Variants in DDB2 observed in about 807,000 individuals in gnomAD.
DDB2 encodes damage specific DNA binding protein 2.
Under a neutral mutation model 50.5 loss-of-function variants are expected in DDB2, and 27 were observed. That is an observed-to-expected ratio of 0.53 (90% CI 0.39 to 0.74). The LOEUF is 0.74. Among genes scored for constraint, DDB2 ranks in the 30% least tolerant of loss-of-function variants. The pLI, the probability that DDB2 is intolerant of heterozygous loss-of-function variation, is 0.00. For missense variants in DDB2, 424 were observed against 545.6 expected, an observed-to-expected ratio of 0.78 and a Z score of 2.22; for synonymous variants, 176 against 205.5, an observed-to-expected ratio of 0.86 and a Z score of 1.23.
chr11:47,215,728 G>T, intron 1 of DDB2: 1 of 265,478 alleles, frequency 3.8e-6, no homozygotes, highest in Non-Finnish European at 7.4e-6. Flanking sequence ...AAAACGAGCT[G>T]GGGCTTGTTA....
chr11:47,238,927 G>A lies in DDB2; in HGVS notation c.*78G>A, dbSNP rs909638206. 5.2e-6 allele frequency: 8 copies of A among 1,524,340 alleles called. No individual in the cohort carries two copies. In the South Asian group the frequency reaches 5.7e-5, roughly 11 times the overall value. 94.4% of individuals were successfully genotyped at this position (1,524,340 alleles called of 1,614,324 possible). On this transcript the variant is annotated 3_prime_UTR_variant, in exon 10 of 10. Coordinates refer to ENST00000256996, the MANE Select transcript of DDB2 (RefSeq NM_000107.3). Reference sequence around the variant, plus strand: ...ATCAAGTCCTGCAAGCAGAGGTGGCGATTTGTTAAAGGGCCAAAAGTATCC... The same window carrying A: ...ATCAAGTCCTGCAAGCAGAGGTGGCAATTTGTTAAAGGGCCAAAAGTATCC...
At chr11:47,234,180 T>G (rs950926529) in intron 4 of DDB2, among the ~76,000 whole-genome samples, 2 of 152,144 alleles carry the variant, frequency 1.3e-5, no homozygotes, top group African/African-American at 4.8e-5. Context: ...GCAATCCCTC[T>G]TTGGCTTGTG....
At chr11:47,233,568 C>T (rs112403617) in intron 4 of DDB2, 2,087 of 160,840 alleles carry the variant, frequency 0.013, 56 homozygotes, top group African/African-American at 0.047. Context: ...ATTAGCTGGG[C>T]GTGGTGGTAG....
chr11:47,235,477 C>T, intron 7 of DDB2, 65 bp downstream of exon 7: 1 of 1,554,102 alleles, frequency 6.4e-7, no homozygotes, highest in Non-Finnish European at 8.7e-7. Flanking sequence ...GCAGGTCTGC[C>T]CACAGTGGGG....
intron 6 of DDB2, 129 bp downstream of exon 6, chr11:47,235,063 G>A (rs528628601): frequency 9.8e-6 from 13 of 1,327,332 alleles, no homozygotes; most frequent in African/African-American, 2.9e-5. Context: ...CTGATGTCTG[G>A]GAACCTTTGT....
chr11:47,233,140 G>T, intron 4 of DDB2, 181 bp downstream of exon 4: 1 of 726,408 alleles, frequency 1.4e-6, no homozygotes, highest in Non-Finnish European at 2.4e-6. Flanking sequence ...TTTGGTCCAG[G>T]TGGGTTACTG....
At chr11:47,235,057 T>C in intron 6 of DDB2, 123 bp downstream of exon 6, 5 of 1,337,446 alleles carry the variant, frequency 3.7e-6, no homozygotes, top group Non-Finnish European at 5.3e-6. Context: ...GCCAAGCTGA[T>C]GTCTGGGAAC....
At chr11:47,230,964 A>G (rs1953638806) in intron 3 of DDB2, among the ~76,000 whole-genome samples, 1 of 152,004 alleles carries the variant, frequency 6.6e-6, no homozygotes. Context: ...TACTAAAAAT[A>G]CAAAAATTAG....
chr11:47,226,282 T>TC (rs1211676572), intron 3 of DDB2, among the ~76,000 whole-genome samples: 1 of 151,326 alleles, frequency 6.6e-6, no homozygotes, highest in African/African-American at 2.4e-5. Flanking sequence ...TATTTTCTTT[T>TC]TTTTTTTTTT....
Position 47,215,125 on chromosome 11 carries a change from A to G in DDB2, c.-12A>G, listed in dbSNP as rs1565149682. On this transcript the variant is annotated 5_prime_UTR_variant, in exon 1 of 10. Coordinates refer to ENST00000256996, the MANE Select transcript of DDB2 (RefSeq NM_000107.3). ...CGCATAGAGCACAGTACCCCTTCAC[A>G]CGGAGGACGCGATGGCTCCCAAGAA... 1.2e-6 allele frequency: 2 copies of G among 1,613,612 alleles called. No homozygotes were observed. The highest frequency in any genetic ancestry group is 2.2e-5 in the East Asian group (1 of 44,834).
intron 3 of DDB2, among the ~76,000 whole-genome samples, chr11:47,222,094 C>T (rs2135492358): frequency 6.6e-6 from 1 of 152,280 alleles, no homozygotes; most frequent in South Asian, 2.1e-4. Context: ...TTTCCCCACC[C>T]TTTGTTGAAT....
At chr11:47,225,359 G>A (rs994175010) in intron 3 of DDB2, among the ~76,000 whole-genome samples, 1 of 151,816 alleles carries the variant, frequency 6.6e-6, no homozygotes, top group Non-Finnish European at 1.5e-5. Context: ...TTGGGAAGCT[G>A]AGGTGGACGG....
At chr11:47,228,138 CAAA>C (rs35908583) in intron 3 of DDB2, among the ~76,000 whole-genome samples, 10 of 57,468 alleles carry the variant, frequency 1.7e-4, no homozygotes, top group Non-Finnish European at 1.0e-4. Flanking sequence ...GGCTCTGTCT[CAAA>C]AAAAAAAAAA....
chr11:47,232,623 A>T (rs1270580835), intron 3 of DDB2, among the ~76,000 whole-genome samples, 191 bp from the exon 4 acceptor site: 1 of 152,226 alleles, frequency 6.6e-6, no homozygotes, highest in African/African-American at 2.4e-5. Flanking sequence ...TAAGTGACAG[A>T]GAAAGACCCT....
chr11:47,216,367 C>T lies in DDB2; in HGVS notation c.159C>T (p.Leu53=). ...GPSRRCDSDC[L]WVGLAGPQIL... ...GCAGAAGATGTGACTCAGACTGCCT[C>T]TGGGTGGGGCTGGCTGGCCCACAGA... The change falls in exon 2 of 10, where the codon CTC becomes CTT. Residue 53 remains leucine (L), a synonymous_variant. Transcript: ENST00000256996. 1 of 1,614,150 alleles carries T rather than the reference C, an allele frequency of 6.2e-7. No homozygotes were observed. The highest frequency in any genetic ancestry group is 8.5e-7 in the Non-Finnish European group (1 of 1,180,034).
At chr11:47,215,606 C>T in intron 1 of DDB2, 1 of 372,070 alleles carries the variant, frequency 2.7e-6, no homozygotes, top group Non-Finnish European at 5.2e-6. Context: ...GTTAGCTGCA[C>T]GTCCTCGGTG....
chr11:47,224,216 T>G (rs1039323075), intron 3 of DDB2, among the ~76,000 whole-genome samples: 1 of 152,072 alleles, frequency 6.6e-6, no homozygotes, highest in Non-Finnish European at 1.5e-5. Flanking sequence ...TCACTAAGCT[T>G]CTTTGATTTA....
chr11:47,239,183 A>C lies in DDB2; in HGVS notation c.*334A>C. The C allele has an allele frequency of 2.5e-6, 1 of 397,754 alleles. No individual in the cohort carries two copies. Among genetic ancestry groups the C allele is most frequent in the Admixed American group, 3.9e-5 (1 of 25,728 alleles). 24.6% of individuals were successfully genotyped at this position (397,754 alleles called of 1,614,324 possible). On this transcript the variant is annotated 3_prime_UTR_variant, in exon 10 of 10. Transcript: ENST00000256996. ...TCAAGCAGTTATTTGATTTGTGCTC[A>C]CTTTTGATATGGCCAATAAAACCAT...
intron 3 of DDB2, among the ~76,000 whole-genome samples, chr11:47,223,776 G>A (rs1426800727): frequency 2.6e-5 from 4 of 152,094 alleles, no homozygotes; most frequent in South Asian, 2.1e-4. Flanking sequence ...GCAAGACTCC[G>A]TCTAAAATAA....
Sources: gnomAD v4.1 joint callset for allele counts (sites outside exome capture counted in the v4.1 genomes callset) on GRCh38, gnomAD v4.1.1 for gene constraint, MANE v1.5 for transcripts, NCBI Gene and HGNC (gene_info 2026-07-23, HGNC 2026-07-21) for gene names.